The following GSK3B variants were observed in gnomAD, a reference collection of about 807,000 sequenced individuals.
The protein encoded by GSK3B is glycogen synthase kinase 3 beta.
Under a neutral mutation model 56.4 loss-of-function variants are expected in GSK3B, and 15 were observed. The observed-to-expected ratio is 0.27, with a 90% confidence interval of 0.18 to 0.41. The LOEUF (loss-of-function observed/expected upper bound fraction) is 0.41. Among genes scored for constraint, GSK3B ranks in the 10% least tolerant of loss-of-function variants. The pLI is 1.00. For synonymous variants in GSK3B, 181 were observed against 188.9 expected (o/e 0.96, Z 0.34); for missense variants, 300 against 513.4 (o/e 0.58, Z 4.02).
chr3:120,086,820 C>T (rs1454365615), intron 1 of GSK3B, among the ~76,000 whole-genome samples: 1 of 152,012 alleles, frequency 6.6e-6, no homozygotes, highest in African/African-American at 2.4e-5. Context: ...AAAAAAATTT[C>T]TCTGGGTGAA....
chr3:119,925,754 C>T (rs1371039830), intron 3 of GSK3B, among the ~76,000 whole-genome samples: 2 of 151,894 alleles, frequency 1.3e-5, no homozygotes, highest in Non-Finnish European at 1.5e-5. Context: ...CATATTTCTG[C>T]CTCCTCTCCT....
chr3:119,852,514 A>G (rs2055950463), intron 9 of GSK3B, among the ~76,000 whole-genome samples: 1 of 151,820 alleles, frequency 6.6e-6, no homozygotes, highest in Non-Finnish European at 1.5e-5. Context: ...CGCCTGGCTA[A>G]TTTTTGTATT....
rs1301834704 is a variant in GSK3B at position 119,889,278 on chromosome 3, T to C, written c.814-12770A>G. Among the ~76,000 whole-genome samples, 5 of 152,222 alleles carry C rather than the reference T, an allele frequency of 3.3e-5. No homozygotes were observed. The East Asian group carries it at 9.7e-4, about 29-fold the overall frequency. On this transcript the variant is annotated intron_variant, in intron 7 of 10. Transcript: ENST00000264235. Reference sequence around the variant, plus strand: ...ATTCCTCTCTTTGTACTCTTTCTCTTTATTTCTCAGCCAGCCGACACTCAT... The same window carrying C: ...ATTCCTCTCTTTGTACTCTTTCTCTCTATTTCTCAGCCAGCCGACACTCAT...
At chr3:119,879,867 T>C (rs2056360175) in intron 7 of GSK3B, among the ~76,000 whole-genome samples, 2 of 152,224 alleles carry the variant, frequency 1.3e-5, no homozygotes. Context: ...GAAGTGTCCA[T>C]GCTGATGAAC....
intron 1 of GSK3B, among the ~76,000 whole-genome samples, chr3:120,032,476 GAA>G (rs200788694): frequency 7.0e-5 from 10 of 143,002 alleles, no homozygotes; most frequent in Admixed American, 2.1e-4. Context: ...CTCCGTCTCG[GAA>G]AAAAAAAAAA....
At chr3:119,990,564 C>T (rs1000185142) in intron 2 of GSK3B, among the ~76,000 whole-genome samples, 1 of 152,194 alleles carries the variant, frequency 6.6e-6, no homozygotes, top group Admixed American at 6.5e-5. Flanking sequence ...TCAGAGAATA[C>T]TCATATCCTT....
At chr3:119,958,694 G>GA (rs946534067) in intron 2 of GSK3B, among the ~76,000 whole-genome samples, 3 of 148,876 alleles carry the variant, frequency 2.0e-5, no homozygotes, top group Non-Finnish European at 4.5e-5. Context: ...GACCCTGGAA[G>GA]AAAAAAAAAG....
At chr3:119,989,506 G>A (rs772188602) in intron 2 of GSK3B, among the ~76,000 whole-genome samples, 3 of 151,780 alleles carry the variant, frequency 2.0e-5, no homozygotes, top group African/African-American at 7.3e-5. Flanking sequence ...TTAGCCGGGC[G>A]TACAGGCAGG....
intron 7 of GSK3B, among the ~76,000 whole-genome samples, chr3:119,885,046 A>C (rs2056420528): frequency 6.6e-6 from 1 of 151,984 alleles, no homozygotes; most frequent in African/African-American, 2.4e-5. Context: ...AAGTAGTTAA[A>C]CTATTTTCTT....
Position 119,942,430 on chromosome 3 carries a change from C to G in GSK3B, c.366+4838G>C, listed in dbSNP as rs567063702. Among the ~76,000 whole-genome samples, 4 of 152,252 alleles carry G rather than the reference C, an allele frequency of 2.6e-5. No homozygotes were observed. In the East Asian group the frequency reaches 7.7e-4, roughly 29 times the overall value. ...TCTCCTGCCTCAGCCTCTCGAGTAG[C>G]TGGGATTACAGGCACCCACCACCAC... is the stretch of plus-strand genomic sequence containing the variant. On this transcript the variant is annotated intron_variant, in intron 3 of 10. Coordinates refer to ENST00000264235, the MANE Select transcript of GSK3B (RefSeq NM_001146156.2).
At chr3:120,088,912 CA>C (rs1192897529) in intron 1 of GSK3B, among the ~76,000 whole-genome samples, 8 of 152,206 alleles carry the variant, frequency 5.3e-5, no homozygotes, top group Non-Finnish European at 1.2e-4. Flanking sequence ...GGAACTGTGA[CA>C]ATAGGGTCAA....
rs140696508 is a variant in GSK3B at position 119,970,742 on chromosome 3, G to A, written c.283-23391C>T. 0.011 allele frequency among the ~76,000 whole-genome samples: 1,604 copies of A among 151,732 alleles called. 101 individuals carry two copies. The East Asian group carries it at 0.15, about 14-fold the overall frequency. On this transcript the variant is annotated intron_variant, in intron 2 of 10. Coordinates refer to ENST00000264235, the MANE Select transcript of GSK3B (RefSeq NM_001146156.2). ...GTAGAGGTTGCAGTGAGCTGAGATC[G>A]CGCCACTGCACTCCAGCCCGGGCGA...
At chr3:119,908,221 T>C (rs1461661182) in intron 6 of GSK3B, among the ~76,000 whole-genome samples, 2 of 152,332 alleles carry the variant, frequency 1.3e-5, no homozygotes, top group East Asian at 1.9e-4. Flanking sequence ...TGTTCCTTAA[T>C]GTGTGAGATG....
chr3:119,863,531 T>C lies in GSK3B; in HGVS notation c.984A>G (p.Arg328=). The C allele has an allele frequency of 6.2e-7, 1 of 1,613,710 alleles. No homozygotes were observed. The highest frequency in any genetic ancestry group is 1.7e-5 in the Admixed American group (1 of 60,004). ...SRLLEYTPTA[R]LTPLEACAHS... is the part of the protein sequence containing the mutation. ...GTGCACAAGCTTCCAGTGGTGTTAG[T>C]CGGGCAGTTGGTGTATACTCCAGCA... The change falls in exon 9 of 11, where the codon CGA becomes CGG. Residue 328 remains arginine, a synonymous_variant. Transcript: ENST00000264235.
chr3:119,977,809 A>G (rs143599127), intron 2 of GSK3B, among the ~76,000 whole-genome samples: 1 of 152,318 alleles, frequency 6.6e-6, no homozygotes, highest in East Asian at 1.9e-4. Flanking sequence ...GTGTGTAGTA[A>G]CTTACAACCT....
At chr3:119,909,749 T>C (rs1210219281) in intron 6 of GSK3B, among the ~76,000 whole-genome samples, 2 of 152,196 alleles carry the variant, frequency 1.3e-5, no homozygotes, top group Non-Finnish European at 2.9e-5. Context: ...TGGTCTCTAT[T>C]CAGTTCCTCC....
At chr3:119,920,587 T>G (rs901962717) in intron 4 of GSK3B, among the ~76,000 whole-genome samples, 3 of 152,192 alleles carry the variant, frequency 2.0e-5, no homozygotes, top group African/African-American at 7.2e-5. Flanking sequence ...TCATCCCTAA[T>G]GGGATCTAAT....
chr3:119,985,067 T>C (rs2057502135), intron 2 of GSK3B, among the ~76,000 whole-genome samples: 1 of 152,120 alleles, frequency 6.6e-6, no homozygotes, highest in African/African-American at 2.4e-5. Context: ...ATCCATCACA[T>C]AAACAGAACC....
At chr3:119,974,951 T>C (rs2057397657) in intron 2 of GSK3B, among the ~76,000 whole-genome samples, 1 of 152,164 alleles carries the variant, frequency 6.6e-6, no homozygotes, top group African/African-American at 2.4e-5. Context: ...AACTTACTCT[T>C]ACCACAGCAA....
Sources: gnomAD v4.1 joint callset for allele counts (sites outside exome capture counted in the v4.1 genomes callset) on GRCh38, gnomAD v4.1.1 for gene constraint, MANE v1.5 for transcripts, NCBI Gene and HGNC (gene_info 2026-07-23, HGNC 2026-07-21) for gene names.